DLG2: variants seen among roughly 807,000 people sequenced by gnomAD.
The protein encoded by DLG2 is disks large homolog 2.
DLG2 carries 45 observed loss-of-function variants against 132.5 expected under a neutral mutation model. That is an observed-to-expected ratio of 0.34 (90% CI 0.27 to 0.44). The LOEUF is 0.44. Among genes scored for constraint, DLG2 ranks in the 20% least tolerant of loss-of-function variants. The probability of loss-of-function intolerance (pLI) is 1.00; values close to 1 mark genes in which losing one functional copy is unlikely to be tolerated. For missense variants in DLG2, 1,045 were observed against 1,196.9 expected, an observed-to-expected ratio of 0.87 and a Z score of 1.87; for synonymous variants, 424 against 419.6, an observed-to-expected ratio of 1.01 and a Z score of -0.13.
chr11:84,882,563 T>C (rs1196473458), intron 6 of DLG2, among the ~76,000 whole-genome samples: 3 of 152,028 alleles, frequency 2.0e-5, no homozygotes, highest in Admixed American at 6.6e-5. Flanking sequence ...CCCTGAGTCA[T>C]GGAGATAAGA....
At chr11:84,114,604 CA>C (rs1047584850) in intron 9 of DLG2, among the ~76,000 whole-genome samples, 1 of 152,140 alleles carries the variant, frequency 6.6e-6, no homozygotes, top group Admixed American at 6.5e-5. Context: ...AAAGATTTTT[CA>C]ATATGATGTG....
chr11:84,647,957 T>C (rs1330411836), intron 6 of DLG2, among the ~76,000 whole-genome samples: 2 of 152,220 alleles, frequency 1.3e-5, no homozygotes, highest in African/African-American at 4.8e-5. Flanking sequence ...GTACTTAGCA[T>C]ACTTCAATTC....
chr11:84,813,396 A>G (rs1463172507), intron 6 of DLG2, among the ~76,000 whole-genome samples: 1 of 152,150 alleles, frequency 6.6e-6, no homozygotes, highest in Non-Finnish European at 1.5e-5. Context: ...TAACTGAGGT[A>G]CAGAGAAGAT....
At chr11:84,280,191 A>T (rs1448913142) in intron 7 of DLG2, among the ~76,000 whole-genome samples, 10 of 152,234 alleles carry the variant, frequency 6.6e-5, no homozygotes, top group Admixed American at 6.5e-4. Context: ...CAAGATTAAT[A>T]TCCAAAGATC....
intron 16 of DLG2, among the ~76,000 whole-genome samples, chr11:83,862,828 C>T (rs1294434675): frequency 6.6e-6 from 1 of 152,184 alleles, no homozygotes; most frequent in Non-Finnish European, 1.5e-5. Context: ...GAATATAATT[C>T]CCCTTATTCC....
At chr11:84,505,072 G>A (rs753901003) in intron 7 of DLG2, among the ~76,000 whole-genome samples, 5 of 152,022 alleles carry the variant, frequency 3.3e-5, no homozygotes, top group African/African-American at 4.8e-5. Context: ...AACTAGCTTC[G>A]TTGGTGCCTT....
At chr11:83,787,307 G>A (rs1390421213) in intron 17 of DLG2, among the ~76,000 whole-genome samples, 4 of 122,248 alleles carry the variant, frequency 3.3e-5, no homozygotes, top group African/African-American at 1.2e-4. Flanking sequence ...ACAGCCTTAA[G>A]CCTTGTTTTT....
At position 84,056,300 on chromosome 11, in the gene DLG2, C is replaced by T. The variant is rs577551695; in HGVS notation, c.919+3015G>A. 2.4e-4 allele frequency among the ~76,000 whole-genome samples: 36 copies of T among 152,202 alleles called. 3 individuals carry two copies. Among genetic ancestry groups the T allele is most frequent in the African/African-American group, 7.5e-4 (31 of 41,548 alleles). On this transcript the variant is annotated intron_variant, in intron 11 of 27. Coordinates refer to ENST00000376104, the MANE Select transcript of DLG2 (RefSeq NM_001142699.3). ...CCATGTGTTCTCATTGTTCAACTCC[C>T]ACGACTGAGACCATGTGGTGTTTGG...
Position 83,710,981 on chromosome 11 carries a change from G to A in DLG2, c.1825+75709C>T, listed in dbSNP as rs138873765. On this transcript the variant is annotated intron_variant, in intron 18 of 27. Transcript: ENST00000376104. ...CTGTGTTAAACTCTTAACATGGACT[G>A]TCTCATTTATTCTCACAGCCCCTTT... Among the ~76,000 whole-genome samples the A allele has an allele frequency of 5.3e-4, 81 of 152,270 alleles. No individual in the cohort carries two copies. The East Asian group carries it at 0.013, about 24-fold the overall frequency.
At chr11:84,420,645 G>GTTTTTTTTTTT (rs1567588759) in intron 7 of DLG2, among the ~76,000 whole-genome samples, 4 of 48,938 alleles carry the variant, frequency 8.2e-5, no homozygotes, top group Admixed American at 3.2e-4. Context: ...ACCAATGCTT[G>GTTTTTTTTTTT]TTTTCTTTTT....
At chr11:84,999,691 A>C (rs1284816391) in intron 6 of DLG2, among the ~76,000 whole-genome samples, 1 of 152,132 alleles carries the variant, frequency 6.6e-6, no homozygotes, top group Non-Finnish European at 1.5e-5. Context: ...AAAGAGGTGG[A>C]GCCTTTATAT....
intron 2 of DLG2, among the ~76,000 whole-genome samples, chr11:85,618,369 A>C (rs958810093): frequency 6.6e-6 from 1 of 152,344 alleles, no homozygotes; most frequent in Admixed American, 6.5e-5. Context: ...ATATATATTT[A>C]AGAAAGTATA....
intron 3 of DLG2, among the ~76,000 whole-genome samples, chr11:85,472,213 A>G (rs1336831404): frequency 1.3e-5 from 2 of 152,180 alleles, no homozygotes; most frequent in Non-Finnish European, 2.9e-5. Context: ...CTGAGCCCAT[A>G]AAAACCTCAG....
chr11:83,576,081 T>C (rs1209588752), intron 19 of DLG2, among the ~76,000 whole-genome samples: 1 of 152,180 alleles, frequency 6.6e-6, no homozygotes, highest in Non-Finnish European at 1.5e-5. Flanking sequence ...AAATTAAACT[T>C]GTAGGCATAA....
intron 19 of DLG2, among the ~76,000 whole-genome samples, chr11:83,583,925 T>C (rs80262388): frequency 0.026 from 4,022 of 152,278 alleles, 138 homozygotes; most frequent in African/African-American, 0.074. Flanking sequence ...AATGACAGAA[T>C]TTTGGCTGAC....
chr11:85,076,535 C>T (rs182808393), intron 6 of DLG2, among the ~76,000 whole-genome samples: 1 of 152,162 alleles, frequency 6.6e-6, no homozygotes, highest in East Asian at 1.9e-4. Context: ...GTGTCACAGA[C>T]ATAATCAAGG....
At chr11:84,378,755 CCT>C (rs911858626) in intron 7 of DLG2, among the ~76,000 whole-genome samples, 11 of 150,384 alleles carry the variant, frequency 7.3e-5, no homozygotes, top group African/African-American at 2.7e-4. Context: ...ATGGTGAAAC[CCT>C]GTCTGTACTA....
At chr11:84,730,158 G>A (rs900713119) in intron 6 of DLG2, among the ~76,000 whole-genome samples, 1 of 151,976 alleles carries the variant, frequency 6.6e-6, no homozygotes, top group African/African-American at 2.4e-5. Flanking sequence ...TGATGTCAAT[G>A]TTGAAATGAT....
At chr11:83,953,397 T>G (rs894571065) in intron 14 of DLG2, among the ~76,000 whole-genome samples, 3 of 152,102 alleles carry the variant, frequency 2.0e-5, no homozygotes, top group Non-Finnish European at 4.4e-5. Flanking sequence ...AACCCTACTG[T>G]GAACTGCACA....
Sources: allele counts gnomAD v4.1 joint callset (sites outside exome capture counted in the v4.1 genomes callset), GRCh38; gene constraint gnomAD v4.1.1; transcripts MANE v1.5; gene names NCBI Gene and HGNC (gene_info 2026-07-23, HGNC 2026-07-21).